SDK1: variants seen among roughly 807,000 people sequenced by gnomAD.
SDK1 encodes the protein sidekick cell adhesion molecule 1.
Under a neutral mutation model 245.5 loss-of-function variants are expected in SDK1, and 157 were observed. That is an observed-to-expected ratio of 0.64 (90% CI 0.56 to 0.73). The LOEUF (loss-of-function observed/expected upper bound fraction) is 0.73, where lower values mean the gene tolerates loss of function less well. Ranked by LOEUF, SDK1 falls within the 30% of genes least tolerant of loss-of-function variation. The probability of loss-of-function intolerance (pLI) is 0.00; values close to 1 mark genes in which losing one functional copy is unlikely to be tolerated. For missense variants in SDK1, 3,583 were observed against 3,002.3 expected (o/e 1.19, Z -4.52); for synonymous variants, 1,647 against 1,278.5 (o/e 1.29, Z -6.15).
At chr7:3,723,242 A>G (rs900404014) in intron 4 of SDK1, among the ~76,000 whole-genome samples, 103 of 152,266 alleles carry the variant, frequency 6.8e-4, no homozygotes, top group African/African-American at 2.4e-3. Flanking sequence ...AGTTAGACCA[A>G]GTAAGTAAGC....
rs761866757 is a variant in SDK1 at position 4,245,746 on chromosome 7, G to A, written c.6322G>A (p.Ala2108Thr). 33 of 1,613,892 alleles carry A rather than the reference G, an allele frequency of 2.0e-5. 1 individual carries two copies. In the Middle Eastern group the frequency reaches 4.9e-4, roughly 24 times the overall value. The part of the protein sequence containing the change: ...DEDICNKYNG[A>T]VLTESVSLKE... ...GGACATCTGCAACAAGTACAACGGC[G>A]CCGTGCTGACCGAGAGCGTGAGCCT... is the stretch of plus-strand genomic sequence containing the variant. Residue 2108 changes from alanine (A) to threonine (T), a missense_variant, in exon 44 of 45, where the codon GCC becomes ACC. Physicochemically the swap from Ala to Thr is moderately conservative, Grantham distance 58 (BLOSUM62 0). Coordinates refer to ENST00000404826, the MANE Select transcript of SDK1 (RefSeq NM_152744.4).
chr7:3,851,875 A>G (rs1192876963), intron 5 of SDK1, among the ~76,000 whole-genome samples: 2 of 152,244 alleles, frequency 1.3e-5, no homozygotes, highest in Non-Finnish European at 2.9e-5. Flanking sequence ...CTATAAATAA[A>G]ATGGTATATT....
At chr7:3,931,418 G>T (rs1779973569) in intron 5 of SDK1, among the ~76,000 whole-genome samples, 1 of 152,102 alleles carries the variant, frequency 6.6e-6, no homozygotes, top group African/African-American at 2.4e-5. Context: ...CTTTGAGAAT[G>T]ACAGACTCTG....
chr7:3,377,155 T>C (rs1781375539), intron 1 of SDK1, among the ~76,000 whole-genome samples: 1 of 152,176 alleles, frequency 6.6e-6, no homozygotes, highest in Non-Finnish European at 1.5e-5. Flanking sequence ...TCAATCTCTC[T>C]GAGGATATGA....
chr7:3,695,169 C>T lies in SDK1; in HGVS notation c.713+53064C>T, dbSNP rs1784537199. 2.0e-5 allele frequency among the ~76,000 whole-genome samples: 3 copies of T among 152,304 alleles called. 1 individual carries two copies. The South Asian group carries it at 6.2e-4, about 32-fold the overall frequency. On this transcript the variant is annotated intron_variant, in intron 4 of 44. Transcript: ENST00000404826. Reference sequence around the variant, plus strand: ...TCAGTACCTGATCACAGAATTCTTACAAGACAGCATGGTCTACTTACACTA... The same window carrying T: ...TCAGTACCTGATCACAGAATTCTTATAAGACAGCATGGTCTACTTACACTA...
chr7:3,552,094 G>A (rs1040520713), intron 1 of SDK1, among the ~76,000 whole-genome samples: 25 of 151,554 alleles, frequency 1.6e-4, no homozygotes, highest in South Asian at 4.2e-4. Context: ...GCTGGAGTGC[G>A]GTGGCGCAAT....
intron 1 of SDK1, among the ~76,000 whole-genome samples, chr7:3,321,201 ATAC>A (rs1779793895): frequency 6.6e-6 from 1 of 152,234 alleles, no homozygotes; most frequent in Non-Finnish European, 1.5e-5. Flanking sequence ...AAGCAAGATG[ATAC>A]TATAGAATTT....
At chr7:3,413,815 G>A (rs995328793) in intron 1 of SDK1, among the ~76,000 whole-genome samples, 1 of 152,154 alleles carries the variant, frequency 6.6e-6, no homozygotes, top group Non-Finnish European at 1.5e-5. Flanking sequence ...AGCAAGATCT[G>A]CCATCTCTAC....
At chr7:3,305,263 C>T (rs907876460) in intron 1 of SDK1, among the ~76,000 whole-genome samples, 1 of 152,212 alleles carries the variant, frequency 6.6e-6, no homozygotes, top group Non-Finnish European at 1.5e-5. Flanking sequence ...CCACCTCAGA[C>T]CAGTTGGTTC....
chr7:3,542,029 A>G (rs1036543316), intron 1 of SDK1, among the ~76,000 whole-genome samples: 1 of 152,238 alleles, frequency 6.6e-6, no homozygotes, highest in African/African-American at 2.4e-5. Flanking sequence ...CATTGTGCAC[A>G]TGTACCCTCA....
chr7:3,927,016 G>A (rs964111788), intron 5 of SDK1, among the ~76,000 whole-genome samples: 4 of 152,156 alleles, frequency 2.6e-5, no homozygotes, highest in Non-Finnish European at 4.4e-5. Flanking sequence ...CCTCCACCGC[G>A]CTCTCAGCCA....
chr7:3,724,532 A>G (rs967955853), intron 4 of SDK1, among the ~76,000 whole-genome samples: 1 of 152,214 alleles, frequency 6.6e-6, no homozygotes, highest in African/African-American at 2.4e-5. Flanking sequence ...AACTGTGATC[A>G]TGATTATGCC....
chr7:3,799,921 G>A (rs757331112), intron 4 of SDK1, among the ~76,000 whole-genome samples: 2 of 151,940 alleles, frequency 1.3e-5, no homozygotes, highest in Non-Finnish European at 2.9e-5. Context: ...TTCTTTCTTT[G>A]TCTCCTGGGT....
intron 44 of SDK1, among the ~76,000 whole-genome samples, chr7:4,250,918 C>T (rs1787251852): frequency 6.6e-6 from 1 of 152,078 alleles, no homozygotes; most frequent in African/African-American, 2.4e-5. Context: ...AAAAAGAAAC[C>T]CCATAACTCT....
intron 31 of SDK1, 34 bp downstream of exon 31, chr7:4,158,585 C>A: frequency 6.6e-7 from 1 of 1,507,880 alleles, no homozygotes; most frequent in Non-Finnish European, 9.2e-7. Flanking sequence ...GCGTTCCTGG[C>A]CGCTGCCCCT....
intron 20 of SDK1, among the ~76,000 whole-genome samples, chr7:4,068,655 C>T (rs1034322257): frequency 1.3e-5 from 2 of 151,900 alleles, no homozygotes; most frequent in Non-Finnish European, 2.9e-5. Context: ...GAGATCTCCT[C>T]TCCTGGTTTG....
chr7:3,679,797 C>T (rs758004292), intron 4 of SDK1, among the ~76,000 whole-genome samples: 1 of 152,200 alleles, frequency 6.6e-6, no homozygotes. Flanking sequence ...TCCTGTATTG[C>T]TAGCTGCTGT....
At chr7:3,370,991 C>T (rs530432589) in intron 1 of SDK1, among the ~76,000 whole-genome samples, 6 of 152,100 alleles carry the variant, frequency 3.9e-5, no homozygotes, top group Admixed American at 6.5e-5. Context: ...CTAAGGGTGC[C>T]GTCCAACCCT....
At chr7:4,213,325 T>C (rs770527189) in intron 38 of SDK1, among the ~76,000 whole-genome samples, 1 of 150,600 alleles carries the variant, frequency 6.6e-6, no homozygotes, top group Non-Finnish European at 1.5e-5. Context: ...AGGCAGAAAA[T>C]TGCTTAATCC....
Sources: allele counts gnomAD v4.1 joint callset (sites outside exome capture counted in the v4.1 genomes callset), GRCh38; gene constraint gnomAD v4.1.1; transcripts MANE v1.5; gene names NCBI Gene and HGNC (gene_info 2026-07-23, HGNC 2026-07-21).